The following AXIN1 variants were observed in gnomAD, a reference collection of about 807,000 sequenced individuals.
The protein encoded by AXIN1 is axin 1.
In AXIN1, 30 loss-of-function variants were observed where a neutral mutation model predicts 76.4. The observed-to-expected ratio is 0.39, with a 90% CI of 0.29 to 0.53. The LOEUF (loss-of-function observed/expected upper bound fraction) is 0.53, where lower values mean the gene tolerates loss of function less well. Ranked by LOEUF, AXIN1 falls within the 20% of genes least tolerant of loss-of-function variation. The pLI is 0.66. For synonymous variants in AXIN1, 545 were observed against 501.4 expected (o/e 1.09, Z -1.16); for missense variants, 1,140 against 1,198.8 (o/e 0.95, Z 0.72).
At position 340,996 on chromosome 16, in the gene AXIN1, A is replaced by T. The variant is rs1441506670; in HGVS notation, c.878+5152T>A. On this transcript the variant is annotated intron_variant, in intron 2 of 10. Coordinates refer to ENST00000262320, the MANE Select transcript of AXIN1 (RefSeq NM_003502.4). ...CAGGGGATGAGCGACTGTGGCAGAG[A>T]TGCAGGCAAAGTAGCCTCCAGGACA... Among the ~76,000 whole-genome samples the T allele has an allele frequency of 1.2e-4, 18 of 152,232 alleles. No individual in the cohort carries two copies. The East Asian group carries it at 3.5e-3, about 29-fold the overall frequency.
rs1267247007 is a variant in AXIN1, at chr16:293,638, A to C, written c.2036T>G (p.Leu679Arg). 1 of 1,613,304 alleles carries C rather than the reference A, an allele frequency of 6.2e-7. No homozygotes were observed. The highest frequency in any genetic ancestry group is 8.5e-7 in the Non-Finnish European group (1 of 1,179,982). ...GTGGGAGGGCTGCACGGAGGTCCGGAGCTGAGGGCCGGCCCAGGGGTGCTC... is the reference window on the plus strand; with the variant it reads ...GTGGGAGGGCTGCACGGAGGTCCGGCGCTGAGGGCCGGCCCAGGGGTGCTC... Reference protein sequence around the residue: ...SLEHPWAGPQLRTSVQPSHLF... With the variant: ...SLEHPWAGPQRRTSVQPSHLF... The change falls in exon 8 of 11, where the codon CTC (leucine) becomes CGC (arginine). Residue 679 changes from leucine to arginine, a missense_variant. Transcript: ENST00000262320. This position sits in a 1 kb window ranked among gnomAD's most constrained non-coding sequence, Gnocchi z 4.6.
At chr16:341,484 C>G (rs2053919587) in intron 2 of AXIN1, among the ~76,000 whole-genome samples, 1 of 152,276 alleles carries the variant, frequency 6.6e-6, no homozygotes, top group South Asian at 2.1e-4. Context: ...CTCGCTGGGT[C>G]TTAACTGCCT....
intron 3 of AXIN1, among the ~76,000 whole-genome samples, chr16:313,325 TAC>T (rs1203428647): frequency 2.0e-5 from 3 of 152,172 alleles, no homozygotes; most frequent in Non-Finnish European, 4.4e-5. Flanking sequence ...ATAAAAATGG[TAC>T]ATACAGTGGG....
chr16:307,372 C>T (rs2053055375), intron 4 of AXIN1, among the ~76,000 whole-genome samples: 1 of 152,072 alleles, frequency 6.6e-6, no homozygotes, highest in Non-Finnish European at 1.5e-5. Flanking sequence ...TTTAGAGGAA[C>T]AGAAAAAAAT....
At chr16:311,896 AC>A (rs1243652389) in intron 3 of AXIN1, among the ~76,000 whole-genome samples, 1 of 152,138 alleles carries the variant, frequency 6.6e-6, no homozygotes, top group Non-Finnish European at 1.5e-5. Context: ...AGAGCGCCCG[AC>A]CCAGGGCTGC....
In AXIN1 at chr16:298,655, G is replaced by A. The variant is rs545411454; in HGVS notation, c.1255-404C>T. ...CCAGAATAGCGGAGACCACAGCCGT[G>A]TGCCACCACGCCCAGCTAATTTTTT... On this transcript the variant is annotated intron_variant, in intron 5 of 10. Coordinates refer to ENST00000262320, the MANE Select transcript of AXIN1 (RefSeq NM_003502.4). Among the ~76,000 whole-genome samples, 51 of 152,298 alleles carry A rather than the reference G, an allele frequency of 3.3e-4. 1 individual carries two copies. Among genetic ancestry groups the A allele is most frequent in the Non-Finnish European group, 7.2e-4 (49 of 68,024 alleles).
chr16:314,754 T>C (rs1422698437), intron 2 of AXIN1, 71 bp from the exon 3 acceptor site: 3 of 1,594,936 alleles, frequency 1.9e-6, no homozygotes, highest in African/African-American at 2.7e-5. Context: ...CACATTTTCA[T>C]GTTATCTGAA....
At chr16:292,486 C>T (rs1464590181) in intron 8 of AXIN1, 1 of 152,232 alleles carries the variant, frequency 6.6e-6, no homozygotes, top group Non-Finnish European at 1.5e-5. Flanking sequence ...CAGAATAAGG[C>T]CCCTAGCCAC....
chr16:334,535 C>G lies in AXIN1; in HGVS notation c.878+11613G>C, dbSNP rs530249694. Among the ~76,000 whole-genome samples the G allele has an allele frequency of 3.5e-3, 528 of 151,472 alleles. 1 individual carries two copies. The highest frequency in any genetic ancestry group is 5.2e-3 in the Non-Finnish European group (353 of 67,816). On this transcript the variant is annotated intron_variant, in intron 2 of 10. Coordinates refer to ENST00000262320, the MANE Select transcript of AXIN1 (RefSeq NM_003502.4). ...CACACCAATAACACAGCACCCAGTA[C>G]CACAGCATGCCAATAACACAGCACC... is the stretch of plus-strand genomic sequence containing the variant.
intron 3 of AXIN1, 67 bp from the exon 4 acceptor site, chr16:310,136 A>AGC: frequency 6.8e-7 from 1 of 1,472,868 alleles, no homozygotes; most frequent in South Asian, 1.2e-5. Context: ...GTGCCAATAG[A>AGC]GCTCCTGGCC....
chr16:302,678 G>C (rs1006549574), intron 5 of AXIN1, among the ~76,000 whole-genome samples: 5 of 152,222 alleles, frequency 3.3e-5, no homozygotes, highest in Non-Finnish European at 7.3e-5. Context: ...GAAAGAGTGA[G>C]TGTACCGAGG....
chr16:324,935 G>A (rs959449080), intron 2 of AXIN1, among the ~76,000 whole-genome samples: 1 of 152,210 alleles, frequency 6.6e-6, no homozygotes. Flanking sequence ...GCAGAACTCC[G>A]GGATGAACAA....
intron 4 of AXIN1, among the ~76,000 whole-genome samples, chr16:308,193 G>A (rs929953316): frequency 2.0e-5 from 3 of 152,196 alleles, no homozygotes; most frequent in African/African-American, 4.8e-5. Context: ...CGACTCAAAT[G>A]TGACCCTCCA....
intron 5 of AXIN1, among the ~76,000 whole-genome samples, chr16:302,966 A>G (rs2052913582): frequency 6.6e-6 from 1 of 151,968 alleles, no homozygotes; most frequent in African/African-American, 2.4e-5. Context: ...GGCTCAAGTG[A>G]TCCTCCCACC....
chr16:319,896 G>A (rs1389021612), intron 2 of AXIN1, among the ~76,000 whole-genome samples: 3 of 152,194 alleles, frequency 2.0e-5, no homozygotes, highest in Non-Finnish European at 1.5e-5. Flanking sequence ...GTCGGATCGG[G>A]TTGGTTTATC....
At chr16:331,451 C>A (rs1177054375) in intron 2 of AXIN1, among the ~76,000 whole-genome samples, 3 of 152,148 alleles carry the variant, frequency 2.0e-5, no homozygotes. Flanking sequence ...AGGAAGAAGC[C>A]TCTGTCTGGA....
chr16:325,673 G>A (rs562526288), intron 2 of AXIN1, among the ~76,000 whole-genome samples: 1 of 152,104 alleles, frequency 6.6e-6, no homozygotes, highest in Non-Finnish European at 1.5e-5. Context: ...AGCGTCGTGT[G>A]TACAACTTAT....
chr16:324,834 T>TCCCAGG (rs1428656435), intron 2 of AXIN1, among the ~76,000 whole-genome samples: 2 of 152,086 alleles, frequency 1.3e-5, no homozygotes, highest in Non-Finnish European at 2.9e-5. Context: ...CGCAGGCCCT[T>TCCCAGG]CCCAGGCCCA....
intron 8 of AXIN1, 112 bp from the exon 9 acceptor site, chr16:291,409 A>C: frequency 2.2e-6 from 2 of 895,466 alleles, no homozygotes; most frequent in Non-Finnish European, 3.5e-6. Flanking sequence ...GGGCCCGAAC[A>C]ACCCACCCTG....
Sources: gnomAD v4.1 joint callset for allele counts (sites outside exome capture counted in the v4.1 genomes callset) on GRCh38, gnomAD v4.1.1 for gene constraint, Gnocchi (gnomAD v3.1) non-coding constraint, MANE v1.5 for transcripts, NCBI Gene and HGNC (gene_info 2026-07-23, HGNC 2026-07-21) for gene names.